The following DNM3 variants were observed in gnomAD, a reference collection of about 807,000 sequenced individuals.
The protein encoded by DNM3 is dynamin 3, also known as dynamin-3.
A neutral mutation model predicts 101.6 loss-of-function variants in DNM3; 47 were observed. That is an observed-to-expected ratio of 0.46 (90% CI 0.37 to 0.59). The LOEUF (loss-of-function observed/expected upper bound fraction) is 0.59, where lower values mean the gene tolerates loss of function less well. Among genes scored for constraint, DNM3 ranks in the 20% least tolerant of loss-of-function variants. The pLI is 0.00. For synonymous variants in DNM3, 385 were observed against 387.9 expected (o/e 0.99, Z 0.09); for missense variants, 849 against 1,085.7 (o/e 0.78, Z 3.06).
intron 17 of DNM3, among the ~76,000 whole-genome samples, chr1:172,359,345 A>G (rs1477371745): frequency 6.6e-6 from 1 of 151,664 alleles, no homozygotes; most frequent in South Asian, 2.1e-4. Context: ...AGCCATAACT[A>G]TTACTTTTTT....
At chr1:172,107,975 T>G (rs1349842677) in intron 13 of DNM3, among the ~76,000 whole-genome samples, 1 of 152,104 alleles carries the variant, frequency 6.6e-6, no homozygotes, top group African/African-American at 2.4e-5. Flanking sequence ...AGAAAGCTTA[T>G]GTTGATCAGA....
chr1:172,209,661 C>A (rs940133399), intron 14 of DNM3, among the ~76,000 whole-genome samples: 1 of 151,960 alleles, frequency 6.6e-6, no homozygotes, highest in East Asian at 1.9e-4. Context: ...TACCTTGGTC[C>A]ATGCTGATCC....
chr1:172,197,285 G>A (rs1382720425), intron 14 of DNM3, among the ~76,000 whole-genome samples: 1 of 151,966 alleles, frequency 6.6e-6, no homozygotes, highest in East Asian at 1.9e-4. Context: ...TTTTGTATCA[G>A]TACCATGCTG....
chr1:171,973,760 C>G (rs984398239), intron 2 of DNM3, among the ~76,000 whole-genome samples: 1 of 151,504 alleles, frequency 6.6e-6, no homozygotes, highest in African/African-American at 2.4e-5. Context: ...ACCTCCAGGG[C>G]TCAAGTGATG....
At chr1:172,288,007 T>A (rs1028216576) in intron 15 of DNM3, among the ~76,000 whole-genome samples, 2 of 152,032 alleles carry the variant, frequency 1.3e-5, no homozygotes, top group African/African-American at 4.8e-5. Flanking sequence ...TTTAAATAAA[T>A]GAGGGATACT....
chr1:172,286,225 G>C (rs1437885956), intron 15 of DNM3, among the ~76,000 whole-genome samples: 1 of 152,048 alleles, frequency 6.6e-6, no homozygotes. Flanking sequence ...TCATGGCATG[G>C]GTGGACCAAT....
At chr1:172,305,248 CA>C (rs2148862770) in intron 15 of DNM3, among the ~76,000 whole-genome samples, 1 of 152,244 alleles carries the variant, frequency 6.6e-6, no homozygotes, top group African/African-American at 2.4e-5. Flanking sequence ...GAGAATACTA[CA>C]AACACATCTA....
At chr1:172,127,472 G>A (rs776748270) in intron 13 of DNM3, among the ~76,000 whole-genome samples, 15 of 150,644 alleles carry the variant, frequency 1.0e-4, no homozygotes, top group Non-Finnish European at 1.3e-4. Flanking sequence ...ACAGTGGTGC[G>A]ATCTTGGCTC....
chr1:171,874,834 A>G (rs142933977), intron 1 of DNM3, among the ~76,000 whole-genome samples: 1 of 146,460 alleles, frequency 6.8e-6, no homozygotes, highest in East Asian at 2.0e-4. Context: ...TTACTTCCCC[A>G]TCTAGTAGCC....
chr1:172,173,927 T>G (rs1459410371), intron 14 of DNM3, among the ~76,000 whole-genome samples: 1 of 151,624 alleles, frequency 6.6e-6, no homozygotes, highest in African/African-American at 2.4e-5. Context: ...GACAATAGTA[T>G]TTAAAAGCCA....
chr1:172,350,680 T>C (rs2067165262), intron 17 of DNM3, among the ~76,000 whole-genome samples: 1 of 152,140 alleles, frequency 6.6e-6, no homozygotes, highest in Non-Finnish European at 1.5e-5. Flanking sequence ...TCACTCACAT[T>C]AAAAGTGCTC....
chr1:172,174,021 T>C (rs2059063525), intron 14 of DNM3, among the ~76,000 whole-genome samples: 1 of 151,656 alleles, frequency 6.6e-6, no homozygotes, highest in Admixed American at 6.6e-5. Context: ...GGTGATACCA[T>C]AGTAGTATGT....
Position 172,143,160 on chromosome 1 carries a change from TAATAA to T in DNM3, c.1659+11877_1659+11881del, listed in dbSNP as rs1473753480. Among the ~76,000 whole-genome samples the T allele has an allele frequency of 7.2e-5, 11 of 152,282 alleles. No homozygotes were observed. The South Asian group carries it at 2.1e-3, about 29-fold the overall frequency. On this transcript the variant is annotated intron_variant, in intron 14 of 20. Coordinates refer to ENST00000627582, the MANE Select transcript of DNM3 (RefSeq NM_015569.5). The stretch of plus-strand genomic sequence containing the variant: ...AAAAGAAAACTTAGGGAATCTTTTA[TAATAA>T]AATATTTTGCTAAAGAGAACTTGAG...
At chr1:172,343,750 C>T (rs768770125) in intron 17 of DNM3, among the ~76,000 whole-genome samples, 3 of 152,166 alleles carry the variant, frequency 2.0e-5, no homozygotes, top group African/African-American at 7.2e-5. Context: ...AAGGAAGCCA[C>T]AGTAGTTCTT....
chr1:171,897,691 AG>A (rs1378918828), intron 1 of DNM3, among the ~76,000 whole-genome samples: 1 of 152,232 alleles, frequency 6.6e-6, no homozygotes, highest in African/African-American at 2.4e-5. Context: ...ATTGACATGA[AG>A]ATATAAAATC....
intron 1 of DNM3, among the ~76,000 whole-genome samples, chr1:171,914,586 T>C (rs1022203709): frequency 1.3e-5 from 2 of 152,242 alleles, no homozygotes; most frequent in African/African-American, 4.8e-5. Flanking sequence ...CCACCTAGTA[T>C]TCCGTATTTT....
chr1:172,408,459 C>T lies in DNM3; in HGVS notation c.*618C>T, dbSNP rs1444493472. 1.0e-6 allele frequency: 1 copy of T among 985,252 alleles called. No homozygotes were observed. Among genetic ancestry groups the T allele is most frequent in the Admixed American group, 6.2e-5 (1 of 16,252 alleles). The allele number at this position is 985,252 out of a possible 1,614,324, so 61.0% of individuals were successfully genotyped here. ...GCACTGTTTGCTCTAAAGAGCTTCT[C>T]CTCATTCCAATGTGTTTTGCTTCAT... is the stretch of plus-strand genomic sequence containing the variant. On this transcript the variant is annotated 3_prime_UTR_variant, in exon 21 of 21. Transcript: ENST00000627582.
chr1:171,891,348 A>T (rs2037263056), intron 1 of DNM3, among the ~76,000 whole-genome samples: 1 of 69,362 alleles, frequency 1.4e-5, no homozygotes, highest in Non-Finnish European at 2.7e-5. Context: ...GGCAAGTGCT[A>T]AAAAAAAAAA....
intron 13 of DNM3, among the ~76,000 whole-genome samples, chr1:172,105,944 A>T (rs944612106): frequency 6.6e-6 from 1 of 152,190 alleles, no homozygotes; most frequent in Non-Finnish European, 1.5e-5. Flanking sequence ...ATTCTCTAGT[A>T]GTTTTAAAAA....
Sources: gnomAD v4.1 joint callset for allele counts (sites outside exome capture counted in the v4.1 genomes callset) on GRCh38, gnomAD v4.1.1 for gene constraint, MANE v1.5 for transcripts, NCBI Gene and HGNC (gene_info 2026-07-23, HGNC 2026-07-21) for gene names.